The following DOCK10 variants were observed in gnomAD, a reference collection of about 807,000 sequenced individuals.
DOCK10 encodes dedicator of cytokinesis 10.
Under a neutral mutation model 280.1 loss-of-function variants are expected in DOCK10, and 145 were observed. The ratio of observed to expected loss-of-function variants is 0.52; its 90% confidence interval spans 0.45 to 0.59. DOCK10 has a LOEUF of 0.59. Ranked by LOEUF, DOCK10 falls within the 20% of genes least tolerant of loss-of-function variation. DOCK10 has a pLI of 0.00. For synonymous variants in DOCK10, 915 were observed against 942.2 expected (o/e 0.97, Z 0.53); for missense variants, 2,368 against 2,651.7 (o/e 0.89, Z 2.35).
intron 1 of DOCK10, among the ~76,000 whole-genome samples, chr2:225,007,030 C>T (rs16866455): frequency 0.058 from 8,774 of 152,170 alleles, 579 homozygotes; most frequent in East Asian, 0.23. Flanking sequence ...ATGAAAGGAA[C>T]GTGAGATAGA....
intron 1 of DOCK10, among the ~76,000 whole-genome samples, chr2:225,003,669 T>A (rs1248876394): frequency 6.6e-6 from 1 of 152,220 alleles, no homozygotes. Context: ...TTGTTCAAAA[T>A]TTTACAAGGT....
At chr2:224,961,410 T>C (rs867498577) in intron 1 of DOCK10, among the ~76,000 whole-genome samples, 5 of 68,724 alleles carry the variant, frequency 7.3e-5, no homozygotes, top group Non-Finnish European at 1.3e-4. Context: ...CTTTCTTTCT[T>C]TCTCTTTCTT....
intron 19 of DOCK10, among the ~76,000 whole-genome samples, chr2:224,846,529 C>T (rs952847368): frequency 7.6e-6 from 1 of 132,240 alleles, no homozygotes; most frequent in Admixed American, 8.3e-5. Context: ...GAGATGGAGT[C>T]TTGCTCTGTC....
rs192450886 is a variant in DOCK10, at chr2:224,982,924, G to C, written c.124-51256C>G. 2.6e-5 allele frequency among the ~76,000 whole-genome samples: 4 copies of C among 152,100 alleles called. No individual in the cohort carries two copies. In the East Asian group the frequency reaches 5.8e-4, roughly 22 times the overall value. On this transcript the variant is annotated intron_variant, in intron 1 of 55. Coordinates refer to ENST00000258390, the MANE Select transcript of DOCK10 (RefSeq NM_014689.3). ...ATGAAACTGGCTTATCTGAAACATA[G>C]AGTTCACTAGATCAAGATGATTTAA...
At chr2:224,919,189 ATGTGTGGTATGAGGG>A (rs926066906) in intron 2 of DOCK10, among the ~76,000 whole-genome samples, 2 of 131,048 alleles carry the variant, frequency 1.5e-5, no homozygotes, top group African/African-American at 5.9e-5. Context: ...TGTGATGTGT[ATGTGTGGTATGAGGG>A]TGTGTGGTGT....
At chr2:224,778,693 G>A (rs1691058741) in intron 50 of DOCK10, among the ~76,000 whole-genome samples, 1 of 152,134 alleles carries the variant, frequency 6.6e-6, no homozygotes, top group Admixed American at 6.5e-5. Flanking sequence ...AAGATCTCCT[G>A]TAAGTCTTTG....
intron 19 of DOCK10, among the ~76,000 whole-genome samples, chr2:224,846,847 G>A (rs1696390565): frequency 6.6e-6 from 1 of 152,194 alleles, no homozygotes; most frequent in South Asian, 2.1e-4. Context: ...TGTAGAGACA[G>A]ATGTCTTACT....
At chr2:225,016,828 G>A (rs1387289882) in intron 1 of DOCK10, among the ~76,000 whole-genome samples, 15 of 151,446 alleles carry the variant, frequency 9.9e-5, no homozygotes, top group African/African-American at 3.6e-4. Context: ...TTGGCCTCCC[G>A]AGTAGCTGTG....
intron 7 of DOCK10, among the ~76,000 whole-genome samples, chr2:224,879,746 G>A (rs116330068): frequency 0.015 from 2,315 of 151,784 alleles, 56 homozygotes; most frequent in African/African-American, 0.053. Context: ...GTGACAGAGC[G>A]AGTCTCTGTC....
chr2:224,980,383 T>C (rs753264056), intron 1 of DOCK10, among the ~76,000 whole-genome samples: 4 of 152,240 alleles, frequency 2.6e-5, no homozygotes, highest in Non-Finnish European at 4.4e-5. Context: ...GTAGACTAAG[T>C]GTCACAATTG....
intron 1 of DOCK10, among the ~76,000 whole-genome samples, chr2:225,002,095 T>C (rs927441594): frequency 1.3e-5 from 2 of 152,120 alleles, no homozygotes; most frequent in African/African-American, 4.8e-5. Context: ...ACCTGGGCCG[T>C]GAAGGATGAA....
chr2:224,982,922 T>C (rs1036919110), intron 1 of DOCK10, among the ~76,000 whole-genome samples: 9 of 152,138 alleles, frequency 5.9e-5, no homozygotes, highest in Non-Finnish European at 1.2e-4. Flanking sequence ...ATCTGAAACA[T>C]AGAGTTCACT....
chr2:224,939,532 T>C (rs1361066158), intron 1 of DOCK10, among the ~76,000 whole-genome samples: 1 of 152,202 alleles, frequency 6.6e-6, no homozygotes, highest in Non-Finnish European at 1.5e-5. Flanking sequence ...AAATTACATG[T>C]CTCATTTAGT....
At chr2:224,922,119 CAAAAAAAAAAAA>C (rs35964702) in intron 2 of DOCK10, among the ~76,000 whole-genome samples, 1 of 51,588 alleles carries the variant, frequency 1.9e-5, no homozygotes, top group African/African-American at 7.5e-5. Flanking sequence ...AACTCCATCT[CAAAAAAAAAAAA>C]AAAAAAAAAA....
chr2:224,990,980 G>A (rs934609628), intron 1 of DOCK10, among the ~76,000 whole-genome samples: 4 of 152,190 alleles, frequency 2.6e-5, no homozygotes, highest in Non-Finnish European at 4.4e-5. Context: ...GGTTAACACC[G>A]TTACCTTATG....
chr2:224,886,300 T>A (rs748103770), intron 5 of DOCK10, 115 bp from the exon 6 acceptor site: 177 of 1,516,818 alleles, frequency 1.2e-4, no homozygotes, highest in Non-Finnish European at 1.6e-4. Context: ...AATAAGCATG[T>A]TCAATTTCAA....
chr2:224,779,463 A>G (rs1008665056), intron 50 of DOCK10, among the ~76,000 whole-genome samples: 24 of 152,142 alleles, frequency 1.6e-4, no homozygotes, highest in African/African-American at 5.3e-4. Flanking sequence ...TGATCCACCC[A>G]CCTCGGCCTC....
At chr2:224,855,064 G>GAC (rs60658292) in intron 15 of DOCK10, 22 bp from the exon 16 acceptor site, 95,621 of 560,656 alleles carry the variant, frequency 0.17, 1,355 homozygotes, top group East Asian at 0.32. Flanking sequence ...CATGAGCAAG[G>GAC]ACACACACAC....
At chr2:224,774,838 T>C in intron 52 of DOCK10, 67 bp downstream of exon 52, 1 of 1,418,282 alleles carries the variant, frequency 7.1e-7, no homozygotes, top group Non-Finnish European at 9.7e-7. Context: ...TTCCTACTGA[T>C]CCAGCCCTAT....
Sources: gnomAD v4.1 joint callset for allele counts (sites outside exome capture counted in the v4.1 genomes callset) on GRCh38, gnomAD v4.1.1 for gene constraint, MANE v1.5 for transcripts, NCBI Gene and HGNC (gene_info 2026-07-23, HGNC 2026-07-21) for gene names.